Variants in DHRSX observed in about 807,000 individuals in gnomAD.
DHRSX encodes dehydrogenase/reductase X-linked, also known as polyprenol dehydrogenase.
Under a neutral mutation model 34.0 loss-of-function variants are expected in DHRSX, and 31 were observed. That is an observed-to-expected ratio of 0.91 (90% CI 0.69 to 1.23). The LOEUF (loss-of-function observed/expected upper bound fraction) is 1.23, where lower values mean the gene tolerates loss of function less well. DHRSX is among the 50% of genes most tolerant of loss of function. The probability of loss-of-function intolerance (pLI) is 0.00; values close to 1 mark genes in which losing one functional copy is unlikely to be tolerated. For synonymous variants in DHRSX, 201 were observed against 183.8 expected (o/e 1.09, Z -0.76); for missense variants, 414 against 428.1 (o/e 0.97, Z 0.29).
At chrX:2,247,800 C>T (rs1276118201) in intron 5 of DHRSX, among the ~76,000 whole-genome samples, 1 of 152,040 alleles carries the variant, frequency 6.6e-6, no homozygotes, top group Non-Finnish European at 1.5e-5. Context: ...GAAGCAGCAT[C>T]AGAAGCAAAC....
chrX:2,440,334 G>A (rs935981120), intron 1 of DHRSX, among the ~76,000 whole-genome samples: 1 of 151,152 alleles, frequency 6.6e-6, no homozygotes, highest in Non-Finnish European at 1.5e-5. Flanking sequence ...CTGAGTAGCT[G>A]GGACTACAGG....
chrX:2,467,960 C>A (rs2044522140), intron 1 of DHRSX, among the ~76,000 whole-genome samples: 1 of 125,128 alleles, frequency 8.0e-6, no homozygotes, highest in Non-Finnish European at 1.7e-5. Context: ...AAAACTCCGT[C>A]TCAAAAAAAA....
intron 3 of DHRSX, among the ~76,000 whole-genome samples, chrX:2,388,258 A>T (rs183708998): frequency 6.6e-6 from 1 of 152,272 alleles, no homozygotes; most frequent in Non-Finnish European, 1.5e-5. Flanking sequence ...ACTGGTTGTC[A>T]TGGGCTGAAT....
At chrX:2,448,500 A>G (rs1238620445) in intron 1 of DHRSX, among the ~76,000 whole-genome samples, 1 of 149,778 alleles carries the variant, frequency 6.7e-6, no homozygotes, top group Non-Finnish European at 1.5e-5. Context: ...GTGAGGTGAT[A>G]TAGGTTAGAG....
At chrX:2,351,607 G>T (rs1450150458) in intron 3 of DHRSX, among the ~76,000 whole-genome samples, 2 of 152,194 alleles carry the variant, frequency 1.3e-5, no homozygotes, top group African/African-American at 4.8e-5. Context: ...CTGGTGTCTG[G>T]ATTAACCACT....
chrX:2,297,580 T>C (rs1181951025), intron 3 of DHRSX, among the ~76,000 whole-genome samples: 2 of 152,168 alleles, frequency 1.3e-5, no homozygotes, highest in East Asian at 3.9e-4. Flanking sequence ...ATGAGGAAAT[T>C]ATCCTGTATT....
chrX:2,442,205 C>G (rs1299237082), intron 1 of DHRSX, among the ~76,000 whole-genome samples: 1 of 151,830 alleles, frequency 6.6e-6, no homozygotes, highest in African/African-American at 2.4e-5. Context: ...AACATATGTA[C>G]TACTCATCGA....
chrX:2,469,359 TGC>T, intron 1 of DHRSX, among the ~76,000 whole-genome samples: 1 of 150,682 alleles, frequency 6.6e-6, no homozygotes, highest in East Asian at 2.0e-4. Flanking sequence ...TCCCTAAAAA[TGC>T]AGCCAAGGGA....
chrX:2,317,207 C>T (rs1403198428), intron 3 of DHRSX, among the ~76,000 whole-genome samples: 2 of 150,750 alleles, frequency 1.3e-5, no homozygotes, highest in African/African-American at 4.9e-5. Flanking sequence ...ATCCACCCGC[C>T]TCGGCTTCCC....
intron 1 of DHRSX, among the ~76,000 whole-genome samples, chrX:2,480,782 C>T (rs1350696301): frequency 3.3e-5 from 5 of 152,100 alleles, no homozygotes; most frequent in Non-Finnish European, 7.4e-5. Context: ...CATGATGCTG[C>T]ACTCCAGCCT....
intron 6 of DHRSX, among the ~76,000 whole-genome samples, chrX:2,226,820 A>G (rs1322925418): frequency 6.6e-6 from 1 of 151,976 alleles, no homozygotes; most frequent in African/African-American, 2.4e-5. Flanking sequence ...AAAAAAAAGA[A>G]AACACCCAGA....
At chrX:2,463,205 C>T (rs2044427110) in intron 1 of DHRSX, among the ~76,000 whole-genome samples, 1 of 152,160 alleles carries the variant, frequency 6.6e-6, no homozygotes, top group Non-Finnish European at 1.5e-5. Flanking sequence ...CAGCTCCCTA[C>T]TCAGAGAGGC....
At position 2,477,228 on chromosome X, in the gene DHRSX, G is replaced by A. The variant is rs1388693920; in HGVS notation, c.109+23589C>T. 1.3e-5 allele frequency among the ~76,000 whole-genome samples: 2 copies of A among 152,066 alleles called. 1 individual carries two copies. The highest frequency in any genetic ancestry group is 2.9e-5 in the Non-Finnish European group (2 of 68,022). ...TAATAAGACACCTGGCTCCGTCACT[G>A]ATCAAAGAATGGGTACCACGACTTA... On this transcript the variant is annotated intron_variant, in intron 1 of 6. Transcript: ENST00000334651.
In DHRSX at chrX:2,375,220, G is replaced by A. The variant is rs1192913935; in HGVS notation, c.286+33525C>T. On this transcript the variant is annotated intron_variant, in intron 3 of 6. Transcript: ENST00000334651. ...TGGAGTGCAGAAAGCAACCACATCA[G>A]GTGGGAATACGCCCTCCCAGTCAGC... Among the ~76,000 whole-genome samples, 6 of 138,616 alleles carry A rather than the reference G, an allele frequency of 4.3e-5. 2 individuals are homozygous for A. The highest frequency in any genetic ancestry group is 3.4e-5 in the Non-Finnish European group (2 of 58,672). 90.9% of individuals were successfully genotyped at this position (138,616 alleles called of 152,430 possible).
intron 1 of DHRSX, among the ~76,000 whole-genome samples, chrX:2,479,580 G>A (rs1262259050): frequency 7.0e-6 from 1 of 143,700 alleles, no homozygotes; most frequent in Non-Finnish European, 1.5e-5. Flanking sequence ...AAACGGCCAA[G>A]GGACGGCACT....
At chrX:2,270,718 T>A (rs1187203633) in intron 4 of DHRSX, among the ~76,000 whole-genome samples, 1 of 152,122 alleles carries the variant, frequency 6.6e-6, no homozygotes, top group Non-Finnish European at 1.5e-5. Context: ...TGGATGGAGA[T>A]CTGCTGCTTT....
At chrX:2,224,470 CTGTG>C (rs1465980501) in intron 6 of DHRSX, among the ~76,000 whole-genome samples, 1 of 152,144 alleles carries the variant, frequency 6.6e-6, no homozygotes, top group Non-Finnish European at 1.5e-5. Context: ...AAGATACCAC[CTGTG>C]CTATGTTGAA....
intron 1 of DHRSX, among the ~76,000 whole-genome samples, chrX:2,482,325 C>T (rs1355070548): frequency 1.3e-5 from 2 of 151,998 alleles, no homozygotes; most frequent in Non-Finnish European, 2.9e-5. Context: ...GACAAGGTCT[C>T]AGTATGTTGA....
At chrX:2,357,443 C>A (rs1416720323) in intron 3 of DHRSX, among the ~76,000 whole-genome samples, 1 of 151,862 alleles carries the variant, frequency 6.6e-6, no homozygotes, top group African/African-American at 2.4e-5. Flanking sequence ...GCCCATATGT[C>A]CATCAACCTC....
Sources: gnomAD v4.1 joint callset for allele counts (sites outside exome capture counted in the v4.1 genomes callset) on GRCh38, gnomAD v4.1.1 for gene constraint, MANE v1.5 for transcripts, NCBI Gene and HGNC (gene_info 2026-07-23, HGNC 2026-07-21) for gene names.